The following PACRG variants were observed in gnomAD, a reference collection of about 807,000 sequenced individuals.
PACRG encodes parkin coregulated gene protein.
A neutral mutation model predicts 29.7 loss-of-function variants in PACRG; 29 were observed. The observed-to-expected ratio is 0.98, with a 90% CI of 0.73 to 1.33. PACRG has a LOEUF of 1.33. Among genes scored for constraint, PACRG ranks in the 40% most tolerant of loss-of-function variants. PACRG has a pLI of 0.00. For synonymous variants in PACRG, 116 were observed against 118.7 expected (o/e 0.98, Z 0.15); for missense variants, 279 against 316.2 (o/e 0.88, Z 0.89).
At chr6:162,909,287 G>T (rs572274080) in intron 2 of PACRG, among the ~76,000 whole-genome samples, 66 of 152,106 alleles carry the variant, frequency 4.3e-4, no homozygotes, top group African/African-American at 1.5e-3. Context: ...CAGGCGCGGG[G>T]GCTCATGCCT....
At chr6:163,118,219 C>T (rs1464374867) in intron 4 of PACRG, among the ~76,000 whole-genome samples, 1 of 152,184 alleles carries the variant, frequency 6.6e-6, no homozygotes, top group Non-Finnish European at 1.5e-5. Flanking sequence ...TTAGGGGTGA[C>T]GTCTGGAGAG....
chr6:162,779,948 G>A (rs1044222867), intron 1 of PACRG, among the ~76,000 whole-genome samples: 2 of 152,136 alleles, frequency 1.3e-5, no homozygotes, highest in African/African-American at 4.8e-5. Context: ...GTTTTCAGAG[G>A]GTGGAAGCCT....
intron 4 of PACRG, among the ~76,000 whole-genome samples, chr6:163,225,247 ATCTCCATAATCCCCACATG>A (rs1215797822): frequency 1.3e-5 from 2 of 152,196 alleles, no homozygotes; most frequent in Non-Finnish European, 2.9e-5. Context: ...TTGAATTTTA[ATCTCCATAATCCCCACATG>A]TCTAGGGAGA....
intron 4 of PACRG, among the ~76,000 whole-genome samples, chr6:163,149,866 G>A (rs569286628): frequency 5.3e-5 from 8 of 152,276 alleles, no homozygotes; most frequent in Admixed American, 4.6e-4. Context: ...GTTGGCTTAC[G>A]GAAAGGAAAC....
chr6:162,891,473 C>T (rs1476695550), intron 2 of PACRG, among the ~76,000 whole-genome samples: 1 of 152,140 alleles, frequency 6.6e-6, no homozygotes, highest in Admixed American at 6.5e-5. Context: ...TTTGGCTGAG[C>T]TGAGACCTGG....
At chr6:163,185,254 G>A (rs1485272544) in intron 4 of PACRG, among the ~76,000 whole-genome samples, 3 of 152,020 alleles carry the variant, frequency 2.0e-5, no homozygotes, top group Admixed American at 2.0e-4. Flanking sequence ...AAAAGCAAGT[G>A]GGAACAATTG....
intron 4 of PACRG, among the ~76,000 whole-genome samples, chr6:163,138,272 C>T (rs561907894): frequency 2.6e-5 from 4 of 152,250 alleles, no homozygotes; most frequent in South Asian, 2.1e-4. Flanking sequence ...ACCAGAACAA[C>T]GGTCACAAAT....
At chr6:162,734,861 A>T (rs1460526337) in intron 1 of PACRG, among the ~76,000 whole-genome samples, 1 of 152,214 alleles carries the variant, frequency 6.6e-6, no homozygotes, top group Non-Finnish European at 1.5e-5. Flanking sequence ...AACATTGTCA[A>T]CACCACAGAA....
In PACRG at chr6:163,063,719, C is replaced by CAG. The variant is rs3831078; in HGVS notation, c.463+1399_463+1400dup. On this transcript the variant is annotated intron_variant, in intron 3 of 4. Coordinates refer to ENST00000366888, the MANE Select transcript of PACRG (RefSeq NM_001080379.2). ...CACACCACATTTCCACCATGACAGACAGTGAAACCAAACCAAAGGACGGTG... is the reference window on the plus strand; with the variant it reads ...CACACCACATTTCCACCATGACAGACAGAGTGAAACCAAACCAAAGGACGGTG... Among the ~76,000 whole-genome samples, 173 of 152,130 alleles carry CAG rather than the reference C, an allele frequency of 1.1e-3. 2 individuals carry two copies. In the East Asian group the frequency reaches 0.016, roughly 14 times the overall value.
chr6:162,829,440 T>G (rs1788553224), intron 2 of PACRG, among the ~76,000 whole-genome samples: 1 of 152,274 alleles, frequency 6.6e-6, no homozygotes. Flanking sequence ...TTCATTTGTT[T>G]GTTCTGAGCA....
chr6:163,168,442 C>A (rs973215836), intron 4 of PACRG, among the ~76,000 whole-genome samples: 6 of 152,146 alleles, frequency 3.9e-5, no homozygotes, highest in Non-Finnish European at 8.8e-5. Flanking sequence ...TGCAGTGAAC[C>A]AAGATCACAC....
chr6:163,312,920 T>C (rs1473474557), intron 4 of PACRG: 3 of 281,330 alleles, frequency 1.1e-5, no homozygotes. Flanking sequence ...ACCTAGCTAA[T>C]TTTTTAATTT....
At chr6:163,015,053 T>G (rs891365891) in intron 2 of PACRG, among the ~76,000 whole-genome samples, 10 of 152,214 alleles carry the variant, frequency 6.6e-5, no homozygotes, top group African/African-American at 2.2e-4. Flanking sequence ...TCCAGTTTTA[T>G]TCTTCTGCAT....
At chr6:162,968,077 C>G in intron 2 of PACRG, among the ~76,000 whole-genome samples, 1 of 152,218 alleles carries the variant, frequency 6.6e-6, no homozygotes, top group South Asian at 2.1e-4. Context: ...CTATCTTTTC[C>G]TCTGCCAAGC....
intron 2 of PACRG, among the ~76,000 whole-genome samples, chr6:162,966,730 C>T (rs1018432568): frequency 3.9e-5 from 6 of 152,248 alleles, no homozygotes; most frequent in African/African-American, 1.4e-4. Flanking sequence ...CCCACCTCCC[C>T]CTCCCAAAGT....
chr6:163,010,019 G>A (rs1254373425), intron 2 of PACRG, among the ~76,000 whole-genome samples: 1 of 152,062 alleles, frequency 6.6e-6, no homozygotes, highest in Non-Finnish European at 1.5e-5. Context: ...AAACTTTGTG[G>A]CCTTGTTAAT....
intron 2 of PACRG, among the ~76,000 whole-genome samples, chr6:162,986,907 A>G (rs940630303): frequency 7.3e-5 from 11 of 150,150 alleles, no homozygotes; most frequent in Admixed American, 1.3e-4. Flanking sequence ...TCCCTGGATA[A>G]TTTTTCATTC....
intron 2 of PACRG, among the ~76,000 whole-genome samples, chr6:162,962,131 C>T (rs777545099): frequency 3.3e-5 from 5 of 152,152 alleles, no homozygotes; most frequent in Non-Finnish European, 7.3e-5. Context: ...GGCCCTACCT[C>T]ATTTAACCTC....
intron 4 of PACRG, among the ~76,000 whole-genome samples, chr6:163,177,207 T>C (rs1317980369): frequency 1.3e-5 from 2 of 152,044 alleles, no homozygotes; most frequent in Non-Finnish European, 2.9e-5. Flanking sequence ...CCCAGGGAGA[T>C]AGAGACAGAC....
Sources: gnomAD v4.1 joint callset for allele counts (sites outside exome capture counted in the v4.1 genomes callset) on GRCh38, gnomAD v4.1.1 for gene constraint, MANE v1.5 for transcripts, NCBI Gene and HGNC (gene_info 2026-07-23, HGNC 2026-07-21) for gene names.